Variants in ADAMTS2 observed in about 807,000 individuals in gnomAD.
The protein encoded by ADAMTS2 is A disintegrin and metalloproteinase with thrombospondin motifs 2.
ADAMTS2 carries 50 observed loss-of-function variants against 123.0 expected under a neutral mutation model. The observed-to-expected ratio is 0.41, with a 90% CI of 0.32 to 0.51. ADAMTS2 has a LOEUF of 0.51. ADAMTS2 is among the 20% of genes least tolerant of loss of function. ADAMTS2 has a pLI of 0.35. For synonymous variants in ADAMTS2, 678 were observed against 695.4 expected (o/e 0.98, Z 0.39); for missense variants, 1,494 against 1,705.2 (o/e 0.88, Z 2.18).
At chr5:179,215,380 G>A (rs1437198554) in intron 3 of ADAMTS2, among the ~76,000 whole-genome samples, 1 of 152,092 alleles carries the variant, frequency 6.6e-6, no homozygotes, top group Non-Finnish European at 1.5e-5. Flanking sequence ...CCGGGGAGGC[G>A]GAGGCTGTGG....
In ADAMTS2 at chr5:179,158,895, G is replaced by A. The variant is rs757960027; in HGVS notation, c.976-16C>T. 8 of 1,613,422 alleles carry A rather than the reference G, an allele frequency of 5.0e-6. No individual in the cohort carries two copies. The Admixed American group carries it at 1.2e-4, about 24-fold the overall frequency. On this transcript the variant is annotated splice_polypyrimidine_tract_variant and intron_variant, in intron 5 of 21. Transcript: ENST00000251582. The surrounding 1 kb of genome is among the most constrained non-coding windows in gnomAD (Gnocchi z 5.0). ...GGCTCATGGACTGCAGGGGGATGGA[G>A]AGAAATGGAAGAGAGAGGTTGGCGC...
chr5:179,220,302 G>A (rs937645607), intron 3 of ADAMTS2, among the ~76,000 whole-genome samples: 1 of 152,202 alleles, frequency 6.6e-6, no homozygotes, highest in Non-Finnish European at 1.5e-5. Context: ...GTGGGGTGCT[G>A]ACAGCCAGTG....
rs570671542 is a variant in ADAMTS2 at position 179,149,552 on chromosome 5, T to C, written c.1629+2590A>G. 4.6e-5 allele frequency among the ~76,000 whole-genome samples: 7 copies of C among 152,286 alleles called. No individual in the cohort carries two copies. The East Asian group carries it at 1.4e-3, about 29-fold the overall frequency. ...CAGGAGGATGGAAGGAGCCACGCAG[T>C]GGTCCTCCTGTCCCAACTGGGCAAG... On this transcript the variant is annotated intron_variant, in intron 10 of 21. Transcript: ENST00000251582.
At chr5:179,241,534 C>T (rs6868427) in intron 3 of ADAMTS2, among the ~76,000 whole-genome samples, 69,096 of 152,070 alleles carry the variant, frequency 0.45, 16,854 homozygotes, top group African/African-American at 0.62. Context: ...ATCAATTTGA[C>T]GTTCAAAACG....
chr5:179,138,492 A>G (rs1017943027), intron 11 of ADAMTS2, among the ~76,000 whole-genome samples: 3 of 152,238 alleles, frequency 2.0e-5, no homozygotes, highest in African/African-American at 7.2e-5. Context: ...CCTGTGGAGA[A>G]GGCGGGCTGC....
intron 3 of ADAMTS2, among the ~76,000 whole-genome samples, chr5:179,209,523 CACACACACACACATGCACACACATGT>C (rs1380121757): frequency 6.7e-5 from 7 of 104,996 alleles, no homozygotes; most frequent in Admixed American, 5.6e-4. Context: ...CACACACATG[CACACACACACACATGCACACACATGT>C]ACACACACAC....
In ADAMTS2 at chr5:179,240,721, G is replaced by A. The variant is rs184631658; in HGVS notation, c.688+32190C>T. Among the ~76,000 whole-genome samples, 422 of 152,334 alleles carry A rather than the reference G, an allele frequency of 2.8e-3. 2 individuals carry two copies. The highest frequency in any genetic ancestry group is 9.5e-3 in the African/African-American group (394 of 41,568). Reference sequence around the variant, plus strand: ...GAGTTCCCGTGACGCGTGTCAGTGCGTGTGGATCTTGCTGTTTGGGGGAGG... The same window carrying A: ...GAGTTCCCGTGACGCGTGTCAGTGCATGTGGATCTTGCTGTTTGGGGGAGG... On this transcript the variant is annotated intron_variant, in intron 3 of 21. Coordinates refer to ENST00000251582, the MANE Select transcript of ADAMTS2 (RefSeq NM_014244.5).
At position 179,180,739 on chromosome 5, in the gene ADAMTS2, C is replaced by A. The variant is rs1764026161; in HGVS notation, c.975+333G>T. On this transcript the variant is annotated intron_variant, in intron 5 of 21. Transcript: ENST00000251582. The surrounding 1 kb of genome is among the most constrained non-coding windows in gnomAD (Gnocchi z 4.6). The stretch of plus-strand genomic sequence containing the variant: ...TCCCCATCGGTCCTTCCTGCAGAAA[C>A]AACATGGACTCAGGCTGCTGTTTAC... Among the ~76,000 whole-genome samples, 1 of 152,282 alleles carries A rather than the reference C, an allele frequency of 6.6e-6. No individual in the cohort carries two copies. Among genetic ancestry groups the A allele is most frequent in the South Asian group, 2.1e-4 (1 of 4,826 alleles).
Position 179,272,940 on chromosome 5 carries a change from G to A in ADAMTS2, c.659C>T (p.Pro220Leu), listed in dbSNP as rs1581236078. Reference sequence around the variant, plus strand: ...GTCCAGGGCCTGTGGCCCCCCGAGAGGAGGGGACGTGGGTGGCCGGCGATA... The same window carrying A: ...GTCCAGGGCCTGTGGCCCCCCGAGAAGAGGGGACGTGGGTGGCCGGCGATA... ...VVYRRPPTSP[P>L]LGGPQALDTG... Residue 220 changes from proline (P) to leucine (L), a missense_variant, in exon 3 of 22, where the codon CCT becomes CTT. Around this residue, in one of 6 missense-constraint regions of ADAMTS2, gnomAD observed 184 missense variants for 152.1 expected, o/e 1.21. Coordinates refer to ENST00000251582, the MANE Select transcript of ADAMTS2 (RefSeq NM_014244.5). This position sits in a 1 kb window ranked among gnomAD's most constrained non-coding sequence, Gnocchi z 5.8. 1 of 1,611,588 alleles carries A rather than the reference G, an allele frequency of 6.2e-7. No individual in the cohort carries two copies. The highest frequency in any genetic ancestry group is 8.5e-7 in the Non-Finnish European group (1 of 1,179,984).
intron 2 of ADAMTS2, among the ~76,000 whole-genome samples, chr5:179,295,328 C>T (rs1402935684): frequency 6.6e-6 from 1 of 152,200 alleles, no homozygotes; most frequent in Non-Finnish European, 1.5e-5. Context: ...CTGGCTCTCC[C>T]TGGGTGAAGG....
At position 179,169,512 on chromosome 5, in the gene ADAMTS2, G is replaced by A. The variant is rs139090369; in HGVS notation, c.976-10633C>T. 4.3e-4 allele frequency among the ~76,000 whole-genome samples: 65 copies of A among 152,336 alleles called. 1 individual carries two copies. The highest frequency in any genetic ancestry group is 1.5e-3 in the African/African-American group (63 of 41,576). On this transcript the variant is annotated intron_variant, in intron 5 of 21. Coordinates refer to ENST00000251582, the MANE Select transcript of ADAMTS2 (RefSeq NM_014244.5). Reference sequence around the variant, plus strand: ...GGTGAGGAGGTGGATGGAGGATGATGTGGGTGGGCCATCATGCCTTGCACC... The same window carrying A: ...GGTGAGGAGGTGGATGGAGGATGATATGGGTGGGCCATCATGCCTTGCACC...
Position 179,132,459 on chromosome 5 carries a change from T to G in ADAMTS2, c.2210-149A>C. ...ATTTCTCTGGCTTTGAGGACCCACC[T>G]GAGAGGGGCCACCAGGAAAGCTGCT... On this transcript the variant is annotated intron_variant, in intron 14 of 21. Coordinates refer to ENST00000251582, the MANE Select transcript of ADAMTS2 (RefSeq NM_014244.5). The surrounding 1 kb of genome is among the most constrained non-coding windows in gnomAD (Gnocchi z 6.1). 1 of 867,812 alleles carries G rather than the reference T, an allele frequency of 1.2e-6. No individual in the cohort carries two copies. Among genetic ancestry groups the G allele is most frequent in the Non-Finnish European group, 1.8e-6 (1 of 540,776 alleles). 53.8% of individuals were successfully genotyped at this position (867,812 alleles called of 1,614,324 possible).
At chr5:179,276,217 C>T (rs376028932) in intron 2 of ADAMTS2, among the ~76,000 whole-genome samples, 4 of 152,164 alleles carry the variant, frequency 2.6e-5, no homozygotes, top group Admixed American at 2.0e-4. Flanking sequence ...AGCAGGCAGG[C>T]GGGAAGAACA....
chr5:179,243,832 A>G (rs1765721386), intron 3 of ADAMTS2, among the ~76,000 whole-genome samples: 1 of 152,244 alleles, frequency 6.6e-6, no homozygotes, highest in Non-Finnish European at 1.5e-5. Flanking sequence ...AATAAAGACT[A>G]TCAATAAAGA....
chr5:179,281,156 C>A (rs1766893058), intron 2 of ADAMTS2, among the ~76,000 whole-genome samples: 1 of 152,194 alleles, frequency 6.6e-6, no homozygotes, highest in South Asian at 2.1e-4. Flanking sequence ...TGGCGCCCGG[C>A]CAGTTCAATG....
intron 10 of ADAMTS2, among the ~76,000 whole-genome samples, chr5:179,151,561 C>T (rs1763356125): frequency 6.6e-6 from 1 of 152,120 alleles, no homozygotes; most frequent in Non-Finnish European, 1.5e-5. Flanking sequence ...ATATGCCAGC[C>T]CCCTAGCAAG....
chr5:179,208,559 C>G (rs1172432513), intron 3 of ADAMTS2, among the ~76,000 whole-genome samples: 2 of 152,188 alleles, frequency 1.3e-5, no homozygotes, highest in African/African-American at 4.8e-5. Context: ...CGGATATCGT[C>G]CCTGCCTTCT....
At chr5:179,310,753 C>G (rs1206830891) in intron 2 of ADAMTS2, among the ~76,000 whole-genome samples, 1 of 152,212 alleles carries the variant, frequency 6.6e-6, no homozygotes, top group Non-Finnish European at 1.5e-5. Flanking sequence ...TCTAGACCTT[C>G]CCAGGGTCCC....
chr5:179,171,810 A>G (rs1335270972), intron 5 of ADAMTS2, among the ~76,000 whole-genome samples: 2 of 152,180 alleles, frequency 1.3e-5, no homozygotes, highest in Non-Finnish European at 2.9e-5. Context: ...ATGTTCCAGA[A>G]CATTCCAGGA....
Sources: gnomAD v4.1 joint callset for allele counts (sites outside exome capture counted in the v4.1 genomes callset) on GRCh38, gnomAD v4.1.1 for gene constraint, gnomAD v4.1.1 regional missense constraint, Gnocchi (gnomAD v3.1) non-coding constraint, MANE v1.5 for transcripts, NCBI Gene and HGNC (gene_info 2026-07-23, HGNC 2026-07-21) for gene names.